TOX3: variants seen among roughly 807,000 people sequenced by gnomAD.
The protein encoded by TOX3 is TOX high mobility group box family member 3.
A neutral mutation model predicts 64.3 loss-of-function variants in TOX3; 22 were observed. The ratio of observed to expected loss-of-function variants is 0.34; its 90% CI spans 0.24 to 0.49. TOX3 has a LOEUF of 0.49. Ranked by LOEUF, TOX3 falls within the 20% of genes least tolerant of loss-of-function variation. TOX3 has a pLI of 0.99. For synonymous variants in TOX3, 291 were observed against 273.6 expected, an observed-to-expected ratio of 1.06 and a Z score of -0.63; for missense variants, 661 against 714.4, an observed-to-expected ratio of 0.93 and a Z score of 0.85.
In TOX3 at chr16:52,450,555, G is replaced by A. The variant is rs1231423595; in HGVS notation, c.409-9C>T. 1 of 1,613,398 alleles carries A rather than the reference G, an allele frequency of 6.2e-7. No homozygotes were observed. Among genetic ancestry groups the A allele is most frequent in the African/African-American group, 1.3e-5 (1 of 75,042 alleles). ...TGTGTGTGGCTCTGATCCTAGAAAG[G>A]CAGCAACAAAGGGGGAAAATATTTC... On this transcript the variant is annotated splice_polypyrimidine_tract_variant and intron_variant, in intron 3 of 6. Coordinates refer to ENST00000219746, the MANE Select transcript of TOX3 (RefSeq NM_001080430.4).
chr16:52,475,301 T>C (rs892280327), intron 1 of TOX3, among the ~76,000 whole-genome samples: 2 of 152,168 alleles, frequency 1.3e-5, no homozygotes, highest in African/African-American at 4.8e-5. Context: ...AATGAATTTC[T>C]GGGTGCAAAA....
At chr16:52,531,423 C>T (rs937616320) in intron 1 of TOX3, among the ~76,000 whole-genome samples, 3 of 152,108 alleles carry the variant, frequency 2.0e-5, no homozygotes, top group Non-Finnish European at 4.4e-5. Flanking sequence ...ATACTAAATA[C>T]GGAGGGTGTT....
intron 3 of TOX3, among the ~76,000 whole-genome samples, chr16:52,463,331 T>G (rs905818466): frequency 6.6e-6 from 1 of 152,176 alleles, no homozygotes; most frequent in Admixed American, 6.5e-5. Context: ...CTAAGAAAAA[T>G]AGAACCAAAA....
At chr16:52,448,404 G>T (rs1479952962) in intron 4 of TOX3, among the ~76,000 whole-genome samples, 1 of 152,036 alleles carries the variant, frequency 6.6e-6, no homozygotes, top group Non-Finnish European at 1.5e-5. Flanking sequence ...ACGTGTGATT[G>T]GAGGGAAAGG....
intron 1 of TOX3, among the ~76,000 whole-genome samples, chr16:52,492,618 A>C (rs1961726414): frequency 8.6e-6 from 1 of 115,662 alleles, no homozygotes. Flanking sequence ...CCTTTCAGGT[A>C]GAATGTTCAT....
intron 1 of TOX3, among the ~76,000 whole-genome samples, chr16:52,491,880 G>A (rs988145466): frequency 6.6e-6 from 1 of 152,054 alleles, no homozygotes; most frequent in Non-Finnish European, 1.5e-5. Flanking sequence ...TCAATATTCC[G>A]TTCTAATTTT....
At chr16:52,506,595 C>A (rs1403020483) in intron 1 of TOX3, among the ~76,000 whole-genome samples, 1 of 152,010 alleles carries the variant, frequency 6.6e-6, no homozygotes, top group Non-Finnish European at 1.5e-5. Context: ...GGAAGCCAGC[C>A]CCCTACCATA....
In TOX3 at chr16:52,436,702, T is replaced by C. The variant is rs1319877584; in HGVS notation, c.*2523A>G. The C allele has an allele frequency of 6.6e-6, 1 of 152,234 alleles. No individual in the cohort carries two copies. The highest frequency in any genetic ancestry group is 1.5e-5 in the Non-Finnish European group (1 of 68,040). 9.4% of individuals were successfully genotyped at this position (152,234 alleles called of 1,614,324 possible). Reference sequence around the variant, plus strand: ...TTTTTCCTCTGGAATTGACCATCAGTGGCTTAGCAGCATTTAATCAAATGT... The same window carrying C: ...TTTTTCCTCTGGAATTGACCATCAGCGGCTTAGCAGCATTTAATCAAATGT... On this transcript the variant is annotated 3_prime_UTR_variant, in exon 7 of 7. Transcript: ENST00000219746.
At chr16:52,533,042 A>C (rs1398741960) in intron 1 of TOX3, among the ~76,000 whole-genome samples, 2 of 152,180 alleles carry the variant, frequency 1.3e-5, no homozygotes, top group Non-Finnish European at 2.9e-5. Flanking sequence ...CAAGGAATAG[A>C]AGTGGTCTAT....
intron 1 of TOX3, among the ~76,000 whole-genome samples, chr16:52,529,280 T>C (rs1962795487): frequency 6.6e-6 from 1 of 152,198 alleles, no homozygotes; most frequent in Non-Finnish European, 1.5e-5. Context: ...AAGAATTGTA[T>C]CCACCTTTAT....
At chr16:52,517,270 G>A (rs1962484148) in intron 1 of TOX3, among the ~76,000 whole-genome samples, 1 of 152,086 alleles carries the variant, frequency 6.6e-6, no homozygotes, top group Admixed American at 6.5e-5. Context: ...AAAGATTCCC[G>A]TGGTTCCCAG....
At chr16:52,529,433 A>T (rs1473740095) in intron 1 of TOX3, among the ~76,000 whole-genome samples, 1 of 152,226 alleles carries the variant, frequency 6.6e-6, no homozygotes, top group Non-Finnish European at 1.5e-5. Context: ...AAACATAGTC[A>T]TTGTACTTAT....
chr16:52,485,970 A>G (rs1961519681), intron 1 of TOX3, among the ~76,000 whole-genome samples: 2 of 152,212 alleles, frequency 1.3e-5, no homozygotes, highest in Admixed American at 1.3e-4. Context: ...GGGAAGCTGA[A>G]CAGAATCAGT....
chr16:52,546,122 C>T (rs1596876546), intron 1 of TOX3, among the ~76,000 whole-genome samples: 2 of 152,154 alleles, frequency 1.3e-5, no homozygotes, highest in South Asian at 2.1e-4. Flanking sequence ...CTTCCCCCCA[C>T]TCCCCTGTCC....
At chr16:52,443,857 G>T (rs1960077543) in intron 6 of TOX3, among the ~76,000 whole-genome samples, 1 of 151,920 alleles carries the variant, frequency 6.6e-6, no homozygotes, top group South Asian at 2.1e-4. Flanking sequence ...GGAACAGTTT[G>T]GTCAAAAATG....
chr16:52,501,671 A>C (rs1261265111), intron 1 of TOX3, among the ~76,000 whole-genome samples: 2 of 144,274 alleles, frequency 1.4e-5, no homozygotes, highest in African/African-American at 3.0e-5. Context: ...AAAACAAACA[A>C]ACAAACAAAC....
chr16:52,529,743 GTTC>G (rs1962810392), intron 1 of TOX3, among the ~76,000 whole-genome samples: 1 of 152,046 alleles, frequency 6.6e-6, no homozygotes, highest in Non-Finnish European at 1.5e-5. Flanking sequence ...ATTTTTTTCA[GTTC>G]TTCTTGATAT....
intron 5 of TOX3, chr16:52,445,238 G>A (rs901452015): frequency 1.3e-5 from 2 of 152,214 alleles, no homozygotes; most frequent in African/African-American, 4.8e-5. Context: ...ACAAAATCAA[G>A]GACTTTCCAC....
chr16:52,480,932 T>TG (rs1279860053), intron 1 of TOX3, among the ~76,000 whole-genome samples: 2 of 151,830 alleles, frequency 1.3e-5, no homozygotes. Flanking sequence ...GAAGAGAGTT[T>TG]TTTTTTTTTA....
Sources: gnomAD v4.1 joint callset for allele counts (sites outside exome capture counted in the v4.1 genomes callset) on GRCh38, gnomAD v4.1.1 for gene constraint, MANE v1.5 for transcripts, NCBI Gene and HGNC (gene_info 2026-07-23, HGNC 2026-07-21) for gene names.